Variants in EPS15 observed in about 807,000 individuals in gnomAD.
The protein encoded by EPS15 is epidermal growth factor receptor substrate 15.
In EPS15, 72 loss-of-function variants were observed where a neutral mutation model predicts 113.8. That is an observed-to-expected ratio of 0.63 (90% confidence interval 0.52 to 0.77). The LOEUF is 0.77. Among genes scored for constraint, EPS15 ranks in the 30% least tolerant of loss-of-function variants. EPS15 has a pLI of 0.00. For synonymous variants in EPS15, 344 were observed against 363.4 expected (o/e 0.95, Z 0.61); for missense variants, 1,048 against 1,045.8 (o/e 1.00, Z -0.03).
intron 8 of EPS15, among the ~76,000 whole-genome samples, chr1:51,451,476 G>A (rs1179299289): frequency 9.0e-6 from 1 of 110,922 alleles, no homozygotes; most frequent in Non-Finnish European, 1.7e-5. Context: ...GGGAAACAGA[G>A]AGAGACTCCA....
At chr1:51,478,771 T>C (rs1182605551) in intron 2 of EPS15, among the ~76,000 whole-genome samples, 3 of 152,244 alleles carry the variant, frequency 2.0e-5, no homozygotes, top group Non-Finnish European at 4.4e-5. Flanking sequence ...TTTAAGAATG[T>C]TGAACATTGG....
Position 51,356,460 on chromosome 1 carries a change from C to CA in EPS15, c.*239dup, listed in dbSNP as rs1441606881. 3 of 414,332 alleles carry CA rather than the reference C, an allele frequency of 7.2e-6. No homozygotes were observed. The highest frequency in any genetic ancestry group is 1.3e-5 in the Non-Finnish European group (3 of 234,746). 25.7% of individuals were successfully genotyped at this position (414,332 alleles called of 1,614,324 possible). A position where few individuals can be genotyped will look rare whatever the true frequency, so the allele number is the denominator to read the frequency against. On this transcript the variant is annotated 3_prime_UTR_variant, in exon 25 of 25. Transcript: ENST00000371733. ...GCAAAAGCTCACAGTAAATGTATAC[C>CA]AGAACAGGGGCCTAAGTGAAGGTGA...
chr1:51,471,627 C>A, intron 4 of EPS15, 63 bp downstream of exon 4: 1 of 1,303,620 alleles, frequency 7.7e-7, no homozygotes, highest in South Asian at 1.2e-5. Context: ...CAAGAAAACC[C>A]TGCTGGCTAT....
At chr1:51,403,140 G>A (rs528424902) in intron 17 of EPS15, among the ~76,000 whole-genome samples, 21 of 152,224 alleles carry the variant, frequency 1.4e-4, no homozygotes, top group African/African-American at 4.8e-4. Context: ...TCAGGCTCAA[G>A]CAATCCACCT....
intron 1 of EPS15, among the ~76,000 whole-genome samples, chr1:51,507,036 T>C (rs1570448217): frequency 6.6e-6 from 1 of 152,310 alleles, no homozygotes; most frequent in East Asian, 1.9e-4. Flanking sequence ...CAGAATAGCA[T>C]TTTTCAGATT....
Position 51,472,897 on chromosome 1 carries a change from G to T in EPS15, c.127C>A (p.Leu43Met). 1 of 1,613,716 alleles carries T rather than the reference G, an allele frequency of 6.2e-7. No homozygotes were observed. The highest frequency in any genetic ancestry group is 8.5e-7 in the Non-Finnish European group (1 of 1,179,744). Residue 43 changes from leucine to methionine, a missense_variant, in exon 3 of 25, where the codon CTG becomes ATG. By Grantham distance (15) the Leu-to-Met change is conservative. Transcript: ENST00000371733. ...RVLASDAAAF[L>M]KKSGLPDLIL... is the part of the protein sequence containing the mutation. Reference sequence around the variant, plus strand: ...AAGTCTGGAAGCCCTGATTTTTTCAGGAAAGCAGCAGCATCAGAAGCCAAC... The same window carrying T: ...AAGTCTGGAAGCCCTGATTTTTTCATGAAAGCAGCAGCATCAGAAGCCAAC...
intron 12 of EPS15, among the ~76,000 whole-genome samples, chr1:51,422,336 G>A (rs1292342062): frequency 3.9e-5 from 6 of 152,136 alleles, no homozygotes; most frequent in Admixed American, 3.9e-4. Context: ...AATCACTGGT[G>A]TGCATCAATT....
Position 51,471,765 on chromosome 1 carries a change from T to C in EPS15, c.166-28A>G, listed in dbSNP as rs772830845. The C allele has an allele frequency of 8.4e-6, 13 of 1,548,666 alleles. No individual in the cohort carries two copies. In the East Asian group the frequency reaches 2.7e-4, roughly 32 times the overall value. ...GAAATTTAGGGGGAAAAAATATCAA[T>C]GTATATTTTAAACAAAAGTCATCTG... is the stretch of plus-strand genomic sequence containing the variant. On this transcript the variant is annotated intron_variant, in intron 3 of 24. Transcript: ENST00000371733.
At chr1:51,444,367 T>C (rs1053801626) in intron 11 of EPS15, among the ~76,000 whole-genome samples, 41 of 152,178 alleles carry the variant, frequency 2.7e-4, no homozygotes, top group Non-Finnish European at 1.3e-4. Context: ...TGTTCAAATA[T>C]GAAGTTCAGT....
At chr1:51,361,986 C>G (rs2148345410) in intron 23 of EPS15, among the ~76,000 whole-genome samples, 1 of 152,292 alleles carries the variant, frequency 6.6e-6, no homozygotes, top group South Asian at 2.1e-4. Flanking sequence ...TAATCTCTGA[C>G]CAAACAATAG....
rs995644703 is a variant in EPS15 at position 51,509,652 on chromosome 1, G to A, written c.33+9547C>T. 1.5e-4 allele frequency among the ~76,000 whole-genome samples: 23 copies of A among 152,180 alleles called. 1 individual carries two copies. The highest frequency in any genetic ancestry group is 1.1e-3 in the Admixed American group (17 of 15,274). On this transcript the variant is annotated intron_variant, in intron 1 of 24. Coordinates refer to ENST00000371733, the MANE Select transcript of EPS15 (RefSeq NM_001981.3). ...TTAGCTTAAAAGTAAATATTGGTAT[G>A]ATGTACACTAACCTAGACAAGCTTA...
intron 2 of EPS15, among the ~76,000 whole-genome samples, chr1:51,479,684 T>C (rs188236673): frequency 1.3e-3 from 196 of 152,366 alleles, no homozygotes; most frequent in Non-Finnish European, 2.3e-3. Flanking sequence ...ATGGGTTCAA[T>C]AGCAATTTGT....
intron 2 of EPS15, among the ~76,000 whole-genome samples, chr1:51,474,935 G>C (rs182807301): frequency 0.01 from 1,569 of 150,242 alleles, 29 homozygotes; most frequent in African/African-American, 0.037. Context: ...TGCGGTGTTT[G>C]GTTTTTTGTC....
chr1:51,361,373 C>T lies in EPS15; in HGVS notation c.2360-18G>A, dbSNP rs778804128. 2.0e-5 allele frequency: 32 copies of T among 1,589,046 alleles called. No individual in the cohort carries two copies. Among genetic ancestry groups the T allele is most frequent in the East Asian group, 1.8e-4 (8 of 44,724 alleles). The stretch of plus-strand genomic sequence containing the variant: ...TCTTTTCCCTGGATCAAAATCATTA[C>T]AATTAATTCAACCAGTAAATACAGC... On this transcript the variant is annotated intron_variant, in intron 23 of 24. Coordinates refer to ENST00000371733, the MANE Select transcript of EPS15 (RefSeq NM_001981.3).
chr1:51,457,740 A>C (rs1654125759), intron 8 of EPS15: 1 of 152,126 alleles, frequency 6.6e-6, no homozygotes, highest in Admixed American at 6.5e-5. Context: ...GGGTCATGTC[A>C]GTACTCAAAA....
intron 2 of EPS15, among the ~76,000 whole-genome samples, chr1:51,478,510 G>C (rs1570392722): frequency 6.6e-6 from 1 of 151,382 alleles, no homozygotes; most frequent in Non-Finnish European, 1.5e-5. Context: ...GATGTTAGCT[G>C]GTTGTTTCGC....
rs543919784 is a variant in EPS15, at chr1:51,372,960, G to A, written c.2120-6931C>T. ...ATTAGCTGCAGGAAGTCTTCAATCT[G>A]CTGCCAGACATCAGCCTGCAGCAGT... On this transcript the variant is annotated intron_variant, in intron 21 of 24. Transcript: ENST00000371733. 2.3e-3 allele frequency: 1,123 copies of A among 494,446 alleles called. 1 individual carries two copies. The highest frequency in any genetic ancestry group is 3.3e-3 in the Non-Finnish European group (987 of 301,916). 30.6% of individuals were successfully genotyped at this position (494,446 alleles called of 1,614,324 possible). A position where few individuals can be genotyped will look rare whatever the true frequency, so the allele number is the denominator to read the frequency against.
Position 51,408,347 on chromosome 1 carries a change from T to G in EPS15, c.1276-15A>C. 1 of 1,569,798 alleles carries G rather than the reference T, an allele frequency of 6.4e-7. No individual in the cohort carries two copies. The highest frequency in any genetic ancestry group is 8.8e-7 in the Non-Finnish European group (1 of 1,139,946). On this transcript the variant is annotated splice_polypyrimidine_tract_variant and intron_variant, in intron 14 of 24. Coordinates refer to ENST00000371733, the MANE Select transcript of EPS15 (RefSeq NM_001981.3). ...AGAGAAGAGATCTATAATGTGAAAG[T>G]GAATGAGAAGAAATGGGGATTAAAA...
Position 51,409,534 on chromosome 1 carries a change from C to A in EPS15, c.1275+1G>T. 1 of 1,606,144 alleles carries A rather than the reference C, an allele frequency of 6.2e-7. No individual in the cohort carries two copies. ...GGCAGCAGGAAACAGCCAGACATTA[C>A]CAGTTGGGCCTCCTCAGCACATTTC... On this transcript the variant is annotated splice_donor_variant, in intron 14 of 24. Transcript: ENST00000371733. LOFTEE classifies it high-confidence loss of function.
Sources: gnomAD v4.1 joint callset for allele counts (sites outside exome capture counted in the v4.1 genomes callset) on GRCh38, gnomAD v4.1.1 for gene constraint, MANE v1.5 for transcripts, NCBI Gene and HGNC (gene_info 2026-07-23, HGNC 2026-07-21) for gene names.